NCALD: variants seen among roughly 807,000 people sequenced by gnomAD.
NCALD encodes neurocalcin delta.
NCALD carries 10 observed loss-of-function variants against 18.6 expected under a neutral mutation model. That is an observed-to-expected ratio of 0.54 (90% CI 0.33 to 0.91). The LOEUF is 0.91. Among genes scored for constraint, NCALD ranks in the 40% least tolerant of loss-of-function variants. The pLI is 0.03. For synonymous variants in NCALD, 88 were observed against 87.4 expected, an observed-to-expected ratio of 1.01 and a Z score of -0.04; for missense variants, 184 against 247.6, an observed-to-expected ratio of 0.74 and a Z score of 1.72.
chr8:101,732,330 G>A (rs551595472), intron 1 of NCALD, among the ~76,000 whole-genome samples: 3 of 152,146 alleles, frequency 2.0e-5, no homozygotes, highest in Non-Finnish European at 2.9e-5. Context: ...ACTTAGCAGA[G>A]GAGGTATAGG....
At chr8:102,018,289 T>C (rs765623163) in intron 2 of NCALD, among the ~76,000 whole-genome samples, 2 of 152,232 alleles carry the variant, frequency 1.3e-5, no homozygotes, top group Non-Finnish European at 2.9e-5. Context: ...CAAAGGCCTG[T>C]TCATGAATGT....
At chr8:102,011,405 G>A (rs1385298256) in intron 2 of NCALD, among the ~76,000 whole-genome samples, 1 of 152,160 alleles carries the variant, frequency 6.6e-6, no homozygotes, top group Non-Finnish European at 1.5e-5. Flanking sequence ...TCCCTTCGAG[G>A]AAGTCACGAG....
chr8:101,864,934 T>A (rs1376708596), intron 4 of NCALD, among the ~76,000 whole-genome samples: 1 of 152,198 alleles, frequency 6.6e-6, no homozygotes, highest in African/African-American at 2.4e-5. Context: ...AGAGTACTTG[T>A]AATCTTTATC....
rs142624292 is a variant in NCALD, at chr8:101,963,957, A to T, written c.-156-48099T>A. ...CATGACAGGAAATGACCAGCCTCTT[A>T]TACTTAATGGAACTTCATGTCCTTC... On this transcript the variant is annotated intron_variant, in intron 2 of 6. Coordinates refer to the NCALD transcript ENST00000311028. Among the ~76,000 whole-genome samples, 649 of 152,312 alleles carry T rather than the reference A, an allele frequency of 4.3e-3. 5 individuals are homozygous for T. The highest frequency in any genetic ancestry group is 0.014 in the African/African-American group (598 of 41,578).
chr8:101,983,625 G>A (rs754848298), intron 2 of NCALD, among the ~76,000 whole-genome samples: 26 of 152,240 alleles, frequency 1.7e-4, no homozygotes, highest in African/African-American at 4.3e-4. Context: ...GATACTTTCC[G>A]CTGGCTCCTT....
chr8:101,780,253 A>C (rs939493136), intron 1 of NCALD, among the ~76,000 whole-genome samples: 4 of 152,156 alleles, frequency 2.6e-5, no homozygotes, highest in African/African-American at 9.6e-5. Context: ...TGATTATATA[A>C]AAATTGCACT....
At chr8:101,747,778 C>A (rs988908417) in intron 1 of NCALD, among the ~76,000 whole-genome samples, 1 of 150,506 alleles carries the variant, frequency 6.6e-6, no homozygotes, top group African/African-American at 2.4e-5. Flanking sequence ...AGTGCAATGG[C>A]ACGATCTCAG....
At chr8:101,916,898 C>T (rs969781907) in intron 2 of NCALD, among the ~76,000 whole-genome samples, 1 of 152,118 alleles carries the variant, frequency 6.6e-6, no homozygotes, top group South Asian at 2.1e-4. Context: ...CACAGCCACA[C>T]AATAATAGAA....
chr8:102,038,725 A>T (rs563032557), intron 1 of NCALD, among the ~76,000 whole-genome samples: 1 of 152,204 alleles, frequency 6.6e-6, no homozygotes, highest in South Asian at 2.1e-4. Context: ...ACACAAGCAC[A>T]GTGGGCAGAA....
At chr8:101,871,201 C>A (rs1011485311) in intron 4 of NCALD, among the ~76,000 whole-genome samples, 13 of 152,172 alleles carry the variant, frequency 8.5e-5, no homozygotes, top group African/African-American at 3.1e-4. Context: ...TCTGTCCTAT[C>A]TGCTGTATGG....
At chr8:101,754,406 T>A (rs780179354) in intron 1 of NCALD, among the ~76,000 whole-genome samples, 4 of 152,162 alleles carry the variant, frequency 2.6e-5, no homozygotes, top group Admixed American at 1.3e-4. Context: ...CAGAAATTTA[T>A]TCCTCACAGT....
intron 2 of NCALD, among the ~76,000 whole-genome samples, chr8:102,011,559 G>A (rs1169398340): frequency 6.6e-6 from 1 of 152,120 alleles, no homozygotes; most frequent in Non-Finnish European, 1.5e-5. Flanking sequence ...TCAGAAATAA[G>A]GAACTAGAAA....
intron 1 of NCALD, among the ~76,000 whole-genome samples, chr8:102,062,580 T>G (rs1042222178): frequency 3.9e-5 from 6 of 152,176 alleles, no homozygotes; most frequent in Admixed American, 2.0e-4. Context: ...AACAATGCTG[T>G]GTGTCACACA....
chr8:102,013,663 T>TA (rs149782408), intron 2 of NCALD, among the ~76,000 whole-genome samples: 3,552 of 150,298 alleles, frequency 0.024, 136 homozygotes, highest in East Asian at 0.099. Flanking sequence ...CAAGATATGT[T>TA]AAAAAAAAAA....
At chr8:102,054,301 T>C (rs1314959271) in intron 1 of NCALD, among the ~76,000 whole-genome samples, 1 of 152,182 alleles carries the variant, frequency 6.6e-6, no homozygotes, top group Non-Finnish European at 1.5e-5. Context: ...TAGATGTCAC[T>C]GTAAAGGTTA....
chr8:101,705,087 C>A (rs1815448035), intron 2 of NCALD, among the ~76,000 whole-genome samples: 1 of 151,772 alleles, frequency 6.6e-6, no homozygotes, highest in African/African-American at 2.4e-5. Flanking sequence ...ATTAGCTGGG[C>A]ATGGTGGTGC....
intron 4 of NCALD, among the ~76,000 whole-genome samples, chr8:101,802,538 A>T (rs1812908071): frequency 6.6e-6 from 1 of 152,172 alleles, no homozygotes; most frequent in Non-Finnish European, 1.5e-5. Context: ...AAGATCGTGA[A>T]GGAAATTTAA....
chr8:101,848,633 G>A (rs1446346836), intron 4 of NCALD, among the ~76,000 whole-genome samples: 3 of 152,094 alleles, frequency 2.0e-5, no homozygotes, highest in Admixed American at 2.0e-4. Context: ...ATTGCTTTCG[G>A]CTCTTGAAAG....
At chr8:101,758,937 TAC>T (rs199867076) in intron 1 of NCALD, among the ~76,000 whole-genome samples, 1 of 152,184 alleles carries the variant, frequency 6.6e-6, no homozygotes, top group East Asian at 1.9e-4. Flanking sequence ...AGAGCTCTTT[TAC>T]TACAAAGTAC....
Sources: gnomAD v4.1 joint callset for allele counts (sites outside exome capture counted in the v4.1 genomes callset) on GRCh38, gnomAD v4.1.1 for gene constraint, MANE v1.5 for transcripts, NCBI Gene and HGNC (gene_info 2026-07-23, HGNC 2026-07-21) for gene names.